CUL9: variants seen among roughly 807,000 people sequenced by gnomAD.
CUL9 encodes the protein cullin-9.
Under a neutral mutation model 272.6 loss-of-function variants are expected in CUL9, and 79 were observed. The ratio of observed to expected loss-of-function variants is 0.29; its 90% confidence interval spans 0.24 to 0.35. The LOEUF (loss-of-function observed/expected upper bound fraction) is 0.35. Ranked by LOEUF, CUL9 falls within the 10% of genes least tolerant of loss-of-function variation. CUL9 has a pLI of 1.00. For missense variants in CUL9, 2,532 were observed against 3,255.6 expected, an observed-to-expected ratio of 0.78 and a Z score of 5.41; for synonymous variants, 1,186 against 1,286.5, an observed-to-expected ratio of 0.92 and a Z score of 1.67.
In CUL9 at chr6:43,215,118, A is replaced by G; in HGVS notation, c.5728A>G (p.Thr1910Ala). 6 of 1,612,542 alleles carry G rather than the reference A, an allele frequency of 3.7e-6. No individual in the cohort carries two copies. Among genetic ancestry groups the G allele is most frequent in the Non-Finnish European group, 5.1e-6 (6 of 1,178,780 alleles). Residue 1910 changes from threonine (T) to alanine (A), a missense_variant, in exon 30 of 41, where the codon ACC becomes GCC. Physicochemically the swap from Thr to Ala is moderately conservative, Grantham distance 58. Coordinates refer to ENST00000252050, the MANE Select transcript of CUL9 (RefSeq NM_015089.4). Reference protein sequence around the residue: ...AWQKGPNPPGTLGHTVAGGVA... With the variant: ...AWQKGPNPPGALGHTVAGGVA... ...GCAGAAGGGTCCAAATCCTCCTGGAACCCTGGGCCACACTGTTGCTGGGGG... is the reference window on the plus strand; with the variant it reads ...GCAGAAGGGTCCAAATCCTCCTGGAGCCCTGGGCCACACTGTTGCTGGGGG...
intron 1 of CUL9, among the ~76,000 whole-genome samples, chr6:43,182,652 T>C (rs971110218): frequency 1.3e-5 from 2 of 152,154 alleles, no homozygotes; most frequent in African/African-American, 4.8e-5. Flanking sequence ...CTGGCTACCA[T>C]CCAGGCTTGC....
intron 8 of CUL9, among the ~76,000 whole-genome samples, chr6:43,191,252 T>TTGTGTGTGTGTGTGTG (rs58122260): frequency 3.1e-4 from 40 of 127,022 alleles, no homozygotes; most frequent in African/African-American, 1.0e-3. Context: ...CTAAATTGCA[T>TTGTGTGTGTGTGTGTG]TGTGTGTGTG....
intron 8 of CUL9, among the ~76,000 whole-genome samples, chr6:43,192,061 T>C (rs1307370595): frequency 7.1e-6 from 1 of 141,226 alleles, no homozygotes; most frequent in Non-Finnish European, 1.5e-5. Context: ...CCTTTTCTCT[T>C]TTTTTTTTTT....
At position 43,220,983 on chromosome 6, in the gene CUL9, G is replaced by A. The variant is rs190302384; in HGVS notation, c.6588+72G>A. ...CTTCCCTGCTTAATATCCCCACCCC[G>A]CCACACACACAGACTGTGACTTGTC... On this transcript the variant is annotated intron_variant, in intron 33 of 40. Transcript: ENST00000252050. The surrounding 1 kb of genome is among the most constrained non-coding windows in gnomAD (Gnocchi z 4.9). The A allele has an allele frequency of 2.3e-5, 34 of 1,491,076 alleles. No individual in the cohort carries two copies. The highest frequency in any genetic ancestry group is 6.9e-5 in the African/African-American group (5 of 72,138). The allele number at this position is 1,491,076 out of a possible 1,614,324, so 92.4% of individuals were successfully genotyped here.
chr6:43,209,580 TC>T (rs1374338035), intron 26 of CUL9, among the ~76,000 whole-genome samples: 6 of 152,216 alleles, frequency 3.9e-5, no homozygotes, highest in African/African-American at 1.4e-4. Context: ...CTGGAACAGT[TC>T]CCCATCCTTT....
Position 43,205,436 on chromosome 6 carries a change from C to T in CUL9, c.4793+13C>T. 1.2e-6 allele frequency: 2 copies of T among 1,609,740 alleles called. No homozygotes were observed. Among genetic ancestry groups the T allele is most frequent in the Non-Finnish European group, 1.7e-6 (2 of 1,176,360 alleles). On this transcript the variant is annotated intron_variant, in intron 24 of 40. Transcript: ENST00000252050. ...AGCACTTCTATCAGTGAGTGCAGGTCTGGAGGCATAGGGGATGGGAGGCCT... is the reference window on the plus strand; with the variant it reads ...AGCACTTCTATCAGTGAGTGCAGGTTTGGAGGCATAGGGGATGGGAGGCCT...
Position 43,220,542 on chromosome 6 carries a change from C to T in CUL9, c.6366C>T (p.Ala2122=), listed in dbSNP as rs752143755. Residue 2122 remains alanine (A), a synonymous_variant, in exon 32 of 41, where the codon GCC becomes GCT. Transcript: ENST00000252050. The surrounding 1 kb of genome is among the most constrained non-coding windows in gnomAD (Gnocchi z 4.9). The part of the protein sequence containing the change: ...NCTCPIADCP[A]QPTGAFIRAI... ...CCTGCCCCATTGCCGACTGCCCCGC[C>T]CAGCCCACCGGAGCCTTCATTCGTG... is the stretch of plus-strand genomic sequence containing the variant. 2.5e-6 allele frequency: 4 copies of T among 1,614,008 alleles called. No homozygotes were observed. The highest frequency in any genetic ancestry group is 3.4e-6 in the Non-Finnish European group (4 of 1,180,030).
rs1776324535 is a variant in CUL9, at chr6:43,221,071, T to C, written c.6589-87T>C. ...TCTTCCTGGAGCCCTCCAAATGTGA[T>C]CTGTGCCTGCTCCCCTCTCTCCTGT... is the stretch of plus-strand genomic sequence containing the variant. On this transcript the variant is annotated intron_variant, in intron 33 of 40. Coordinates refer to ENST00000252050, the MANE Select transcript of CUL9 (RefSeq NM_015089.4). This position sits in a 1 kb window ranked among gnomAD's most constrained non-coding sequence, Gnocchi z 4.2. The C allele has an allele frequency of 2.0e-6, 3 of 1,513,510 alleles. No individual in the cohort carries two copies. Among genetic ancestry groups the C allele is most frequent in the Non-Finnish European group, 2.7e-6 (3 of 1,124,474 alleles). The allele number at this position is 1,513,510 out of a possible 1,614,324, so 93.8% of individuals were successfully genotyped here. A position where few individuals can be genotyped will look rare whatever the true frequency, so the allele number is the denominator to read the frequency against.
intron 8 of CUL9, among the ~76,000 whole-genome samples, chr6:43,190,088 A>G (rs17209365): frequency 0.12 from 18,376 of 151,250 alleles, 1,227 homozygotes; most frequent in African/African-American, 0.18. Flanking sequence ...CTGCCTCATT[A>G]TTTTTACTGC....
At chr6:43,182,751 G>A (rs1420831181) in intron 1 of CUL9, among the ~76,000 whole-genome samples, 1 of 151,800 alleles carries the variant, frequency 6.6e-6, no homozygotes, top group Non-Finnish European at 1.5e-5. Context: ...TTCTGTCCCT[G>A]TACCCCAACA....
At position 43,191,687 on chromosome 6, in the gene CUL9, C is replaced by T. The variant is rs369434715; in HGVS notation, c.2181-1314C>T. ...GCAACCTCCGCCTCCTGGGTTCAAG[C>T]GATTCTCCTGCCTCAGCCTCCTGAA... On this transcript the variant is annotated intron_variant, in intron 8 of 40. Transcript: ENST00000252050. 3.0e-4 allele frequency among the ~76,000 whole-genome samples: 46 copies of T among 151,584 alleles called. 1 individual carries two copies. The highest frequency in any genetic ancestry group is 2.4e-3 in the Admixed American group (36 of 15,220).
rs547571101 is a variant in CUL9, at chr6:43,196,608, T to C, written c.2586-37T>C. The C allele has an allele frequency of 5.2e-6, 8 of 1,538,006 alleles. No individual in the cohort carries two copies. The African/African-American group carries it at 1.1e-4, about 21-fold the overall frequency. On this transcript the variant is annotated intron_variant, in intron 10 of 40. Coordinates refer to ENST00000252050, the MANE Select transcript of CUL9 (RefSeq NM_015089.4). ...TTTGCTGCTTCCATTGCATTCATGGTCTCTCAGTTTCTTCCTGGTCACCTC... is the reference window on the plus strand; with the variant it reads ...TTTGCTGCTTCCATTGCATTCATGGCCTCTCAGTTTCTTCCTGGTCACCTC...
rs1197558442 is a variant in CUL9 at position 43,186,399 on chromosome 6, A to G, written c.1195A>G (p.Ser399Gly). 2.5e-6 allele frequency: 4 copies of G among 1,609,182 alleles called. No homozygotes were observed. The East Asian group carries it at 6.7e-5, about 27-fold the overall frequency. Residue 399 changes from serine (S) to glycine (G), a missense_variant, in exon 4 of 41, where the codon AGT (serine) becomes GGT (glycine). Coordinates refer to ENST00000252050, the MANE Select transcript of CUL9 (RefSeq NM_015089.4). ...VRMLDDYEEI[S>G]AGDEGEFRQS... ...GATGCTGGATGATTATGAGGAGATCAGTGCTGGGGACGAGGGCGAGTTCCG... is the reference window on the plus strand; with the variant it reads ...GATGCTGGATGATTATGAGGAGATCGGTGCTGGGGACGAGGGCGAGTTCCG...
chr6:43,221,809 G>A lies in CUL9; in HGVS notation c.6846+31G>A, dbSNP rs1381690081. The A allele has an allele frequency of 6.3e-7, 1 of 1,594,106 alleles. No homozygotes were observed. The highest frequency in any genetic ancestry group is 8.6e-7 in the Non-Finnish European group (1 of 1,168,754). The stretch of plus-strand genomic sequence containing the variant: ...GCGCTGGGCACTAGGGGAGGGCAGA[G>A]GCCCAGAGCCGTCGGGGAGGGGTGC... On this transcript the variant is annotated intron_variant, in intron 35 of 40. Transcript: ENST00000252050. The surrounding 1 kb of genome is among the most constrained non-coding windows in gnomAD (Gnocchi z 4.2).
Position 43,186,053 on chromosome 6 carries a change from C to T in CUL9, c.849C>T (p.Asp283=), listed in dbSNP as rs747887596. Residue 283 remains aspartate (D), a synonymous_variant, in exon 4 of 41, where the codon GAC becomes GAT. Transcript: ENST00000252050. ...LNSSPELGAG[D]QSSPCATREK... is the part of the protein sequence containing the mutation. ...GCAGTCCAGAGCTGGGAGCTGGAGACCAAAGCTCCCCATGTGCCACAAGAG... is the reference window on the plus strand; with the variant it reads ...GCAGTCCAGAGCTGGGAGCTGGAGATCAAAGCTCCCCATGTGCCACAAGAG... 6.2e-7 allele frequency: 1 copy of T among 1,614,120 alleles called. No homozygotes were observed. The highest frequency in any genetic ancestry group is 1.3e-5 in the African/African-American group (1 of 74,936).
At chr6:43,208,184 A>G (rs1775189985) in intron 26 of CUL9, among the ~76,000 whole-genome samples, 1 of 152,158 alleles carries the variant, frequency 6.6e-6, no homozygotes, top group South Asian at 2.1e-4. Flanking sequence ...AAATAATTTA[A>G]TTGTAATCAG....
chr6:43,199,321 G>A lies in CUL9; in HGVS notation c.3106G>A (p.Val1036Ile), dbSNP rs752270263. 26 of 1,613,706 alleles carry A rather than the reference G, an allele frequency of 1.6e-5. No individual in the cohort carries two copies. The South Asian group carries it at 2.6e-4, about 16-fold the overall frequency. Residue 1036 changes from valine (V) to isoleucine (I), a missense_variant, in exon 13 of 41, where the codon GTC (valine) becomes ATC (isoleucine). Transcript: ENST00000252050. The surrounding 1 kb of genome is among the most constrained non-coding windows in gnomAD (Gnocchi z 4.4). Reference sequence around the variant, plus strand: ...GGCAATGGTCCTCCCCTGGCACGAGGTCTTGGAGCCCTGCCTCAACTGCCT... The same window carrying A: ...GGCAATGGTCCTCCCCTGGCACGAGATCTTGGAGCCCTGCCTCAACTGCCT... ...PEAMVLPWHE[V>I]LEPCLNCLSG...
intron 10 of CUL9, 187 bp downstream of exon 10, chr6:43,196,452 G>A: frequency 1.3e-6 from 1 of 758,390 alleles, no homozygotes; most frequent in Non-Finnish European, 2.1e-6. Flanking sequence ...GATTCCCAGA[G>A]AGGGCAGAGA....
At chr6:43,204,172 C>A in intron 20 of CUL9, 185 bp downstream of exon 20, 2 of 1,035,908 alleles carry the variant, frequency 1.9e-6, no homozygotes, top group Non-Finnish European at 2.8e-6. Context: ...GAATCTTTCC[C>A]ACTACCCCAT....
Sources: gnomAD v4.1 joint callset for allele counts (sites outside exome capture counted in the v4.1 genomes callset) on GRCh38, gnomAD v4.1.1 for gene constraint, Gnocchi (gnomAD v3.1) non-coding constraint, MANE v1.5 for transcripts, NCBI Gene and HGNC (gene_info 2026-07-23, HGNC 2026-07-21) for gene names.